PDZD2: variants seen among roughly 807,000 people sequenced by gnomAD.
PDZD2 encodes the protein PDZ domain-containing protein 2.
A neutral mutation model predicts 220.7 loss-of-function variants in PDZD2; 90 were observed. The observed-to-expected ratio is 0.41, with a 90% CI of 0.34 to 0.49. The LOEUF (loss-of-function observed/expected upper bound fraction) is 0.49. PDZD2 is among the 20% of genes least tolerant of loss of function. The probability of loss-of-function intolerance (pLI) is 0.28; values close to 1 mark genes in which losing one functional copy is unlikely to be tolerated. For missense variants in PDZD2, 3,174 were observed against 3,608.5 expected, an observed-to-expected ratio of 0.88 and a Z score of 3.08; for synonymous variants, 1,375 against 1,450.5, an observed-to-expected ratio of 0.95 and a Z score of 1.18.
chr5:31,835,486 G>A (rs1246170078), intron 2 of PDZD2, among the ~76,000 whole-genome samples: 3 of 151,902 alleles, frequency 2.0e-5, no homozygotes, highest in South Asian at 2.1e-4. Flanking sequence ...GCGTGGTGGC[G>A]GACACCTGTA....
chr5:32,051,870 G>A lies in PDZD2; in HGVS notation c.1666-741G>A, dbSNP rs139367448. ...TTTATAAGAAACAAGGGCTTGCTGAGTTTTTGATCGAGTGAGTTAGGCTTA... is the reference window on the plus strand; with the variant it reads ...TTTATAAGAAACAAGGGCTTGCTGAATTTTTGATCGAGTGAGTTAGGCTTA... On this transcript the variant is annotated intron_variant, in intron 8 of 24. Transcript: ENST00000438447. 5.4e-4 allele frequency among the ~76,000 whole-genome samples: 83 copies of A among 152,342 alleles called. 2 individuals carry two copies. In the East Asian group the frequency reaches 0.012, roughly 22 times the overall value.
chr5:31,767,781 A>G (rs1224673903), intron 1 of PDZD2, among the ~76,000 whole-genome samples: 3 of 152,218 alleles, frequency 2.0e-5, no homozygotes, highest in African/African-American at 7.2e-5. Flanking sequence ...CCTGAGAACA[A>G]GGTTCCTGGC....
chr5:31,888,181 T>C, intron 2 of PDZD2, among the ~76,000 whole-genome samples: 1 of 152,034 alleles, frequency 6.6e-6, no homozygotes, highest in East Asian at 1.9e-4. Flanking sequence ...TCTTTTCTTC[T>C]CTTCTCTTTT....
At chr5:31,934,688 C>A (rs1745572721) in intron 2 of PDZD2, among the ~76,000 whole-genome samples, 2 of 147,804 alleles carry the variant, frequency 1.4e-5, no homozygotes, top group African/African-American at 5.0e-5. Flanking sequence ...GAAGCAATTT[C>A]AAAAATGTCT....
chr5:31,738,925 G>T lies in PDZD2; in HGVS notation c.-360-59964G>T, dbSNP rs915132180. Among the ~76,000 whole-genome samples the T allele has an allele frequency of 6.6e-5, 10 of 150,698 alleles. No homozygotes were observed. The South Asian group carries it at 2.1e-3, about 32-fold the overall frequency. Reference sequence around the variant, plus strand: ...TTTTCAGACACAGTCTTGCTCTGTCGCTCAGGCTGGAGTGCAGTGGCACCA... The same window carrying T: ...TTTTCAGACACAGTCTTGCTCTGTCTCTCAGGCTGGAGTGCAGTGGCACCA... On this transcript the variant is annotated intron_variant, in intron 1 of 24. Coordinates refer to ENST00000438447, the MANE Select transcript of PDZD2 (RefSeq NM_178140.4).
At chr5:31,788,693 A>AAT (rs1214764381) in intron 1 of PDZD2, among the ~76,000 whole-genome samples, 1 of 141,986 alleles carries the variant, frequency 7.0e-6, no homozygotes, top group Non-Finnish European at 1.6e-5. Flanking sequence ...TAAATAAATA[A>AAT]AATAAAATTA....
At chr5:32,093,715 C>T (rs562738673) in intron 21 of PDZD2, among the ~76,000 whole-genome samples, 1 of 152,320 alleles carries the variant, frequency 6.6e-6, no homozygotes, top group African/African-American at 2.4e-5. Context: ...CAGTGGCTTA[C>T]ACCTGTAATC....
chr5:31,743,439 T>C (rs778874904), intron 1 of PDZD2, among the ~76,000 whole-genome samples: 1 of 152,196 alleles, frequency 6.6e-6, no homozygotes, highest in Non-Finnish European at 1.5e-5. Context: ...ACTACAGACG[T>C]GAGCCACTGT....
intron 1 of PDZD2, among the ~76,000 whole-genome samples, chr5:31,753,600 C>CAGAT (rs1554070856): frequency 6.7e-6 from 1 of 149,686 alleles, no homozygotes; most frequent in Non-Finnish European, 1.5e-5. Context: ...GACTCTGTCT[C>CAGAT]AAATAAATAA....
At chr5:31,985,451 G>A (rs891027441) in intron 3 of PDZD2, among the ~76,000 whole-genome samples, 4 of 151,856 alleles carry the variant, frequency 2.6e-5, no homozygotes, top group African/African-American at 2.4e-5. Context: ...TCCCAGCACT[G>A]TGGGAGGCCC....
chr5:31,965,992 C>T (rs987417820), intron 2 of PDZD2, among the ~76,000 whole-genome samples: 1 of 146,824 alleles, frequency 6.8e-6, no homozygotes, highest in Non-Finnish European at 1.6e-5. Flanking sequence ...TGCAGCCCTT[C>T]TCCTCATCCA....
At chr5:31,957,138 G>T (rs1747783432) in intron 2 of PDZD2, among the ~76,000 whole-genome samples, 1 of 152,134 alleles carries the variant, frequency 6.6e-6, no homozygotes, top group Non-Finnish European at 1.5e-5. Flanking sequence ...CTGGGCTAAG[G>T]GTTTCCTTTC....
intron 5 of PDZD2, among the ~76,000 whole-genome samples, chr5:32,006,015 C>T (rs1752767718): frequency 6.6e-6 from 1 of 151,960 alleles, no homozygotes; most frequent in African/African-American, 2.4e-5. Context: ...GGCATGGTGG[C>T]GTGCACCTGT....
chr5:31,975,576 G>T (rs1232524206), intron 2 of PDZD2, among the ~76,000 whole-genome samples: 1 of 152,108 alleles, frequency 6.6e-6, no homozygotes, highest in Non-Finnish European at 1.5e-5. Context: ...GAGTAGAGGA[G>T]GTGAGAAGTA....
chr5:32,010,461 C>A lies in PDZD2; in HGVS notation c.1386C>A (p.Thr462=), dbSNP rs770561930. 6.2e-7 allele frequency: 1 copy of A among 1,612,514 alleles called. No individual in the cohort carries two copies. Among genetic ancestry groups the A allele is most frequent in the Non-Finnish European group, 8.5e-7 (1 of 1,178,712 alleles). ...CAGACGGGGAAGAGGACGAAGGAAC[C>A]AGCTCTTCTGTCCAGAGAGCAGTAA... ...QEADGEEDEG[T]SSSVQRAMPG... is the part of the protein sequence containing the mutation. The change falls in exon 6 of 25, where the codon ACC becomes ACA. Residue 462 remains threonine, a synonymous_variant. Coordinates refer to ENST00000438447, the MANE Select transcript of PDZD2 (RefSeq NM_178140.4).
At chr5:31,984,874 G>T (rs1428574508) in intron 3 of PDZD2, among the ~76,000 whole-genome samples, 1 of 152,118 alleles carries the variant, frequency 6.6e-6, no homozygotes, top group Non-Finnish European at 1.5e-5. Context: ...GCTGAGAAAT[G>T]GTGCCCTGGG....
chr5:31,864,676 C>T (rs1197777465), intron 2 of PDZD2, among the ~76,000 whole-genome samples: 2 of 151,856 alleles, frequency 1.3e-5, no homozygotes, highest in Non-Finnish European at 2.9e-5. Context: ...TGAACCACCA[C>T]GCCTGGCTAA....
At chr5:31,829,601 A>G (rs58638734) in intron 2 of PDZD2, among the ~76,000 whole-genome samples, 1 of 151,946 alleles carries the variant, frequency 6.6e-6, no homozygotes, top group African/African-American at 2.4e-5. Flanking sequence ...ACAGGCATGA[A>G]CCACCACACC....
At chr5:32,071,716 C>A (rs1400307944) in intron 16 of PDZD2, among the ~76,000 whole-genome samples, 1 of 152,184 alleles carries the variant, frequency 6.6e-6, no homozygotes, top group African/African-American at 2.4e-5. Context: ...GGACTTGGGG[C>A]TTTAAGGAGG....
Sources: allele counts gnomAD v4.1 joint callset (sites outside exome capture counted in the v4.1 genomes callset), GRCh38; gene constraint gnomAD v4.1.1; transcripts MANE v1.5; gene names NCBI Gene and HGNC (gene_info 2026-07-23, HGNC 2026-07-21).